Variants in LPP observed in about 807,000 individuals in gnomAD.
LPP encodes the protein lipoma-preferred partner.
A neutral mutation model predicts 60.4 loss-of-function variants in LPP; 38 were observed. That is an observed-to-expected ratio of 0.63 (90% confidence interval 0.49 to 0.83). The LOEUF is 0.83. Among genes scored for constraint, LPP ranks in the 40% least tolerant of loss-of-function variants. The pLI is 0.00. For missense variants in LPP, 902 were observed against 783.6 expected, an observed-to-expected ratio of 1.15 and a Z score of -1.80; for synonymous variants, 328 against 290.8, an observed-to-expected ratio of 1.13 and a Z score of -1.30.
At chr3:188,368,973 A>G (rs1398533210) in intron 3 of LPP, among the ~76,000 whole-genome samples, 3 of 152,114 alleles carry the variant, frequency 2.0e-5, no homozygotes, top group Admixed American at 6.5e-5. Context: ...CAGATTCACT[A>G]CATCAAGATG....
At chr3:188,778,704 C>G (rs1738603018) in intron 9 of LPP, among the ~76,000 whole-genome samples, 1 of 152,066 alleles carries the variant, frequency 6.6e-6, no homozygotes, top group Non-Finnish European at 1.5e-5. Flanking sequence ...GCTTGATTTA[C>G]CAACCACCCC....
At chr3:188,206,543 A>T (rs906978132) in intron 1 of LPP, among the ~76,000 whole-genome samples, 1 of 152,214 alleles carries the variant, frequency 6.6e-6, no homozygotes, top group Non-Finnish European at 1.5e-5. Flanking sequence ...GATCCCAAGG[A>T]TCTAATGGAG....
At chr3:188,725,688 C>T (rs1229050010) in intron 8 of LPP, among the ~76,000 whole-genome samples, 1 of 152,174 alleles carries the variant, frequency 6.6e-6, no homozygotes, top group Non-Finnish European at 1.5e-5. Context: ...TTGTTCCAAG[C>T]ATTTCCATTA....
At chr3:188,760,076 T>C (rs757722049) in intron 8 of LPP, 37 bp from the exon 9 acceptor site, 179 of 1,606,648 alleles carry the variant, frequency 1.1e-4, no homozygotes, top group Non-Finnish European at 1.5e-4. Context: ...ACTGAAGTAC[T>C]CCTTGGTGTG....
At chr3:188,346,002 A>G (rs1764241571) in intron 3 of LPP, among the ~76,000 whole-genome samples, 1 of 152,098 alleles carries the variant, frequency 6.6e-6, no homozygotes, top group Non-Finnish European at 1.5e-5. Context: ...GGCATAGATG[A>G]TGTCAAAGGA....
At chr3:188,521,573 A>G (rs1560513368) in intron 5 of LPP, among the ~76,000 whole-genome samples, 1 of 152,198 alleles carries the variant, frequency 6.6e-6, no homozygotes, top group Non-Finnish European at 1.5e-5. Context: ...TTCCCTCAAG[A>G]AGAAGAATAA....
chr3:188,797,445 C>T (rs1745713864), intron 9 of LPP, among the ~76,000 whole-genome samples: 1 of 152,190 alleles, frequency 6.6e-6, no homozygotes, highest in Non-Finnish European at 1.5e-5. Flanking sequence ...AGATCAAAAT[C>T]TCATAATCTT....
intron 6 of LPP, among the ~76,000 whole-genome samples, chr3:188,554,511 C>T (rs893124836): frequency 7.9e-5 from 12 of 152,144 alleles, no homozygotes; most frequent in African/African-American, 2.9e-4. Flanking sequence ...AGAGTTGAAG[C>T]TGTTTGTCTG....
At chr3:188,440,114 A>C (rs1228329879) in intron 4 of LPP, among the ~76,000 whole-genome samples, 1 of 152,158 alleles carries the variant, frequency 6.6e-6, no homozygotes, top group African/African-American at 2.4e-5. Context: ...AGTGTGTGAC[A>C]CATCTCTGGA....
rs577776760 is a variant in LPP at position 188,372,962 on chromosome 3, G to T, written c.-10+31243G>T. ...TATGAGTGAGAACATGCGGTGTTTG[G>T]TTTTTTGTCCTTGAGATAGTTTGCT... On this transcript the variant is annotated intron_variant, in intron 3 of 11. Coordinates refer to ENST00000617246, the MANE Select transcript of LPP (RefSeq NM_001375462.1). 2.1e-3 allele frequency among the ~76,000 whole-genome samples: 325 copies of T among 151,974 alleles called. 2 individuals are homozygous for T. Among genetic ancestry groups the T allele is most frequent in the African/African-American group, 7.5e-3 (311 of 41,474 alleles).
intron 7 of LPP, among the ~76,000 whole-genome samples, chr3:188,637,793 A>C (rs1424585644): frequency 1.3e-5 from 2 of 152,228 alleles, no homozygotes; most frequent in Non-Finnish European, 2.9e-5. Flanking sequence ...TGATACGTAC[A>C]TGCTCCCAAG....
intron 2 of LPP, among the ~76,000 whole-genome samples, chr3:188,336,287 G>A (rs189434572): frequency 2.0e-5 from 3 of 152,166 alleles, no homozygotes; most frequent in Admixed American, 2.0e-4. Context: ...TGACACCTGG[G>A]TCTTGGGTTA....
intron 6 of LPP, among the ~76,000 whole-genome samples, chr3:188,597,253 T>C (rs550708858): frequency 6.6e-6 from 1 of 152,188 alleles, no homozygotes; most frequent in Admixed American, 6.5e-5. Flanking sequence ...TATGTTTCAG[T>C]TATGCACAGA....
intron 2 of LPP, among the ~76,000 whole-genome samples, chr3:188,305,859 G>T (rs1433226943): frequency 1.3e-5 from 2 of 152,094 alleles, no homozygotes; most frequent in Admixed American, 1.3e-4. Flanking sequence ...TCTTTTCCAA[G>T]GATTTTCTCG....
rs1161242537 is a variant in LPP at position 188,708,301 on chromosome 3, T to C, written c.1148T>C (p.Val383Ala). 6.2e-7 allele frequency: 1 copy of C among 1,614,158 alleles called. No homozygotes were observed. Among genetic ancestry groups the C allele is most frequent in the Non-Finnish European group, 8.5e-7 (1 of 1,180,012 alleles). The stretch of plus-strand genomic sequence containing the variant: ...TCAGGGCAACTGGGGCCTTCGTCAG[T>C]TGCCCCTTCATTCCGCCCAGAGGAT... ...GHSGQLGPSS[V>A]APSFRPEDEL... Residue 383 changes from valine (V) to alanine (A), a missense_variant, in exon 8 of 12, where the codon GTT becomes GCT. By Grantham distance (64) the Val-to-Ala change is moderately conservative. Coordinates refer to ENST00000617246, the MANE Select transcript of LPP (RefSeq NM_001375462.1).
chr3:188,186,392 G>C (rs1726600335), intron 1 of LPP, among the ~76,000 whole-genome samples: 1 of 152,178 alleles, frequency 6.6e-6, no homozygotes, highest in South Asian at 2.1e-4. Context: ...AGCTTGGGTA[G>C]AGAAGGGGAA....
At chr3:188,482,548 T>A (rs1331002397) in intron 4 of LPP, among the ~76,000 whole-genome samples, 1 of 152,158 alleles carries the variant, frequency 6.6e-6, no homozygotes, top group East Asian at 1.9e-4. Flanking sequence ...GTTTTATAGG[T>A]GTCCTGGTGC....
rs1257085181 is a variant in LPP, at chr3:188,368,719, C to CACAGAG, written c.-10+27001_-10+27002insCAGAGA. Reference sequence around the variant, plus strand: ...ACACACACACACACACACACACACACAGAGAGAGAGAGAGAGAGAGAGAGA... The same window carrying CACAGAG: ...ACACACACACACACACACACACACACACAGAGAGAGAGAGAGAGAGAGAGAGAGAGA... On this transcript the variant is annotated intron_variant, in intron 3 of 11. Coordinates refer to ENST00000617246, the MANE Select transcript of LPP (RefSeq NM_001375462.1). 4.5e-4 allele frequency among the ~76,000 whole-genome samples: 45 copies of CACAGAG among 99,642 alleles called. No homozygotes were observed. The East Asian group carries it at 5.2e-3, about 11-fold the overall frequency. 65.4% of individuals were successfully genotyped at this position (99,642 alleles called of 152,430 possible).
intron 7 of LPP, among the ~76,000 whole-genome samples, chr3:188,623,714 A>G (rs1445284563): frequency 6.6e-6 from 1 of 152,180 alleles, no homozygotes; most frequent in East Asian, 1.9e-4. Flanking sequence ...CTGTGCAGCA[A>G]CTCAAATTGT....
Sources: gnomAD v4.1 joint callset for allele counts (sites outside exome capture counted in the v4.1 genomes callset) on GRCh38, gnomAD v4.1.1 for gene constraint, MANE v1.5 for transcripts, NCBI Gene and HGNC (gene_info 2026-07-23, HGNC 2026-07-21) for gene names.